The following EEFSEC variants were observed in gnomAD, a reference collection of about 807,000 sequenced individuals.
EEFSEC encodes the protein selenocysteine-specific elongation factor.
In EEFSEC, 43 loss-of-function variants were observed where a neutral mutation model predicts 42.1. That is an observed-to-expected ratio of 1.02 (90% confidence interval 0.80 to 1.32). The LOEUF is 1.32. Among genes scored for constraint, EEFSEC ranks in the 40% most tolerant of loss-of-function variants. The probability of loss-of-function intolerance (pLI) is 0.00; values close to 1 mark genes in which losing one functional copy is unlikely to be tolerated. For missense variants in EEFSEC, 745 were observed against 803.6 expected, an observed-to-expected ratio of 0.93 and a Z score of 0.88; for synonymous variants, 354 against 339.1, an observed-to-expected ratio of 1.04 and a Z score of -0.48.
chr3:128,294,918 A>G (rs148078189), intron 4 of EEFSEC, among the ~76,000 whole-genome samples: 231 of 152,336 alleles, frequency 1.5e-3, no homozygotes, highest in African/African-American at 5.1e-3. Flanking sequence ...TTGATGAACT[A>G]TCAATCTCTT....
downstream of EEFSEC, among the ~76,000 whole-genome samples, chr3:128,408,812 C>T (rs907123822): frequency 5.9e-5 from 9 of 152,180 alleles, no homozygotes; most frequent in African/African-American, 2.2e-4. Context: ...CTGCGCTTCT[C>T]AACCCCACTA....
chr3:128,156,355 G>A (rs1944381272), intron 1 of EEFSEC, among the ~76,000 whole-genome samples: 1 of 152,194 alleles, frequency 6.6e-6, no homozygotes, highest in Admixed American at 6.5e-5. Context: ...CAGGTAGTTA[G>A]TGAAACAGTC....
In EEFSEC at chr3:128,193,903, G is replaced by C. The variant is rs1009284585; in HGVS notation, c.316+40080G>C. The stretch of plus-strand genomic sequence containing the variant: ...GGGAGGACAGAAGGGAAGAGAAACA[G>C]TATAGTTATCTAAGTGAGAATGAGC... On this transcript the variant is annotated intron_variant, in intron 1 of 6. Transcript: ENST00000254730. Among the ~76,000 whole-genome samples the C allele has an allele frequency of 3.9e-5, 6 of 152,224 alleles. No individual in the cohort carries two copies. The East Asian group carries it at 1.2e-3, about 29-fold the overall frequency.
chr3:128,420,549 TGA>T, the EEFSEC span, among the ~76,000 whole-genome samples: 1 of 152,162 alleles, frequency 6.6e-6, no homozygotes, highest in East Asian at 1.9e-4. Context: ...TGGATGGGAC[TGA>T]GAGAGGCCAG....
chr3:128,181,490 C>T (rs923868470), intron 1 of EEFSEC, among the ~76,000 whole-genome samples: 12 of 152,212 alleles, frequency 7.9e-5, no homozygotes, highest in African/African-American at 2.9e-4. Flanking sequence ...CATCCTGATC[C>T]AGATTTAGAA....
intron 6 of EEFSEC, among the ~76,000 whole-genome samples, chr3:128,366,430 C>G (rs1341806714): frequency 6.6e-6 from 1 of 152,248 alleles, no homozygotes; most frequent in African/African-American, 2.4e-5. Flanking sequence ...ACCACTCAAT[C>G]CTGCCAGCAG....
chr3:128,195,162 C>T (rs1348916492), intron 1 of EEFSEC, among the ~76,000 whole-genome samples: 2 of 152,110 alleles, frequency 1.3e-5, no homozygotes, highest in Non-Finnish European at 2.9e-5. Flanking sequence ...TTAGTCTGAA[C>T]TCATTTTCAA....
chr3:128,416,130 G>A, the EEFSEC span, among the ~76,000 whole-genome samples: 4 of 152,170 alleles, frequency 2.6e-5, no homozygotes, highest in Admixed American at 6.5e-5. Flanking sequence ...ACCAGGCCCC[G>A]ATGATAAGAC....
rs112107531 is a variant in EEFSEC at position 128,297,950 on chromosome 3, C to G, written c.786+33169C>G. Among the ~76,000 whole-genome samples the G allele has an allele frequency of 4.2e-3, 639 of 152,270 alleles. 5 individuals carry two copies. The highest frequency in any genetic ancestry group is 0.02 in the Middle Eastern group (6 of 294). On this transcript the variant is annotated intron_variant, in intron 4 of 6. Transcript: ENST00000254730. The stretch of plus-strand genomic sequence containing the variant: ...GGCACACATTGCTGCAGTCCAGGAG[C>G]TGAAGCCAGTCAGTAGGCCCTGGGA...
chr3:128,185,801 T>C (rs1358339738), intron 1 of EEFSEC, among the ~76,000 whole-genome samples: 1 of 152,220 alleles, frequency 6.6e-6, no homozygotes, highest in Non-Finnish European at 1.5e-5. Context: ...TGAATAATAT[T>C]CCATGCCTGG....
chr3:128,371,793 G>T (rs1352186520), intron 6 of EEFSEC, among the ~76,000 whole-genome samples: 1 of 152,240 alleles, frequency 6.6e-6, no homozygotes, highest in Non-Finnish European at 1.5e-5. Flanking sequence ...CAGCCCCATG[G>T]TAGGGGCCCT....
chr3:128,414,191 C>G, the EEFSEC span, among the ~76,000 whole-genome samples: 1 of 152,228 alleles, frequency 6.6e-6, no homozygotes, highest in Admixed American at 6.5e-5. Flanking sequence ...GACCCCCGGG[C>G]AACCTACCAA....
chr3:128,272,062 G>A (rs1003225568), intron 4 of EEFSEC, among the ~76,000 whole-genome samples: 1 of 152,210 alleles, frequency 6.6e-6, no homozygotes, highest in Non-Finnish European at 1.5e-5. Flanking sequence ...TAGGCTCAGG[G>A]CTGGAGACGT....
At chr3:128,225,907 A>G (rs145058550) in intron 1 of EEFSEC, among the ~76,000 whole-genome samples, 18 of 152,346 alleles carry the variant, frequency 1.2e-4, no homozygotes, top group African/African-American at 3.4e-4. Flanking sequence ...TTACAGACCA[A>G]AGTGCTGGGC....
intron 1 of EEFSEC, among the ~76,000 whole-genome samples, chr3:128,221,266 A>G (rs2065858624): frequency 6.6e-6 from 1 of 152,210 alleles, no homozygotes; most frequent in South Asian, 2.1e-4. Flanking sequence ...CATCTTCAAG[A>G]GCTAGACTAG....
At chr3:128,242,421 T>A (rs749923338) in intron 1 of EEFSEC, among the ~76,000 whole-genome samples, 1 of 152,228 alleles carries the variant, frequency 6.6e-6, no homozygotes, top group Non-Finnish European at 1.5e-5. Context: ...AAAATATAAG[T>A]TGGAAATAAA....
intron 6 of EEFSEC, among the ~76,000 whole-genome samples, chr3:128,407,485 A>G (rs2068131172): frequency 6.6e-6 from 1 of 151,812 alleles, no homozygotes; most frequent in Non-Finnish European, 1.5e-5. Context: ...GGTTCCTGGG[A>G]CTGCTACTGG....
At position 128,317,272 on chromosome 3, in the gene EEFSEC, TG is replaced by T. The variant is rs2066957120; in HGVS notation, c.787-23958del. Among the ~76,000 whole-genome samples, 1 of 152,118 alleles carries T rather than the reference TG, an allele frequency of 6.6e-6. No homozygotes were observed. The highest frequency in any genetic ancestry group is 6.5e-5 in the Admixed American group (1 of 15,280). Reference sequence around the variant, plus strand: ...TCTGCTGCCAGGCCAGGAGAACCCGTGGGTTTTCTTCCTTCATACACACGGT... The same window carrying T: ...TCTGCTGCCAGGCCAGGAGAACCCGTGGTTTTCTTCCTTCATACACACGGT... On this transcript the variant is annotated intron_variant, in intron 4 of 6. Transcript: ENST00000254730. This position sits in a 1 kb window ranked among gnomAD's most constrained non-coding sequence, Gnocchi z 4.1.
intron 6 of EEFSEC, among the ~76,000 whole-genome samples, chr3:128,400,461 C>T (rs2068036067): frequency 6.6e-6 from 1 of 152,204 alleles, no homozygotes; most frequent in Non-Finnish European, 1.5e-5. Flanking sequence ...GCCATTTAGG[C>T]TCCCAGCTGT....
Sources: gnomAD v4.1 joint callset for allele counts (sites outside exome capture counted in the v4.1 genomes callset) on GRCh38, gnomAD v4.1.1 for gene constraint, Gnocchi (gnomAD v3.1) non-coding constraint, MANE v1.5 for transcripts, NCBI Gene and HGNC (gene_info 2026-07-23, HGNC 2026-07-21) for gene names.